Variants in MS4A3 observed in about 807,000 individuals in gnomAD.
MS4A3 encodes the protein membrane spanning 4-domains A3, also known as membrane-spanning 4-domains subfamily A member 3.
MS4A3 carries 18 observed loss-of-function variants against 24.7 expected under a neutral mutation model. The observed-to-expected ratio is 0.73, with a 90% CI of 0.50 to 1.08. The LOEUF is 1.08. Among genes scored for constraint, MS4A3 ranks in the 50% least tolerant of loss-of-function variants. The pLI, the probability that MS4A3 is intolerant of heterozygous loss-of-function variation, is 0.00. For missense variants in MS4A3, 282 were observed against 251.7 expected, an observed-to-expected ratio of 1.12 and a Z score of -0.82; for synonymous variants, 84 against 95.3, an observed-to-expected ratio of 0.88 and a Z score of 0.69.
At chr11:60,063,355 G>T (rs111425647) in intron 3 of MS4A3, among the ~76,000 whole-genome samples, 1 of 152,182 alleles carries the variant, frequency 6.6e-6, no homozygotes, top group Non-Finnish European at 1.5e-5. Flanking sequence ...AGAAATAGGG[G>T]TGATTTTAAA....
At chr11:60,063,973 A>G (rs941914746) in intron 3 of MS4A3, among the ~76,000 whole-genome samples, 5 of 152,152 alleles carry the variant, frequency 3.3e-5, no homozygotes, top group African/African-American at 1.2e-4. Flanking sequence ...TAAAGAACTT[A>G]TCCATGTAAC....
chr11:60,064,018 TA>T (rs796788550), intron 3 of MS4A3, among the ~76,000 whole-genome samples: 12 of 150,768 alleles, frequency 8.0e-5, no homozygotes, highest in South Asian at 4.2e-4. Flanking sequence ...CGTATGGAAA[TA>T]AAAAAAATTT....
In MS4A3 at chr11:60,061,229, GGC is replaced by G. The variant is rs1421155978; in HGVS notation, c.71_72del (p.Ala24GlyfsTer77). ...CTGCCCATGGTACCCCAGGCAGTGA[GGC>G]GGGACCAGAAGAGCTGAATACTTCT... ...ASAHGTPGSE[A>X]GPEELNTSVY... On this transcript the variant is annotated frameshift_variant, in exon 2 of 7. Coordinates refer to ENST00000278865, the MANE Select transcript of MS4A3 (RefSeq NM_006138.5). LOFTEE classifies it high-confidence loss of function. 1 of 1,613,730 alleles carries G rather than the reference GGC, an allele frequency of 6.2e-7. No homozygotes were observed. The highest frequency in any genetic ancestry group is 2.2e-5 in the East Asian group (1 of 44,814).
chr11:60,068,103 TA>T (rs1855401979), intron 5 of MS4A3, among the ~76,000 whole-genome samples: 2 of 151,984 alleles, frequency 1.3e-5, no homozygotes. Context: ...CCTTGCTTAA[TA>T]AAACAAACTT....
chr11:60,064,385 C>A (rs1382518302), intron 4 of MS4A3, 67 bp downstream of exon 4: 2 of 1,201,080 alleles, frequency 1.7e-6, no homozygotes, highest in Non-Finnish European at 1.2e-6. Flanking sequence ...AACAGTAGGA[C>A]AGTAAGTGTC....
Position 60,069,564 on chromosome 11 carries a change from T to C in MS4A3, c.514-10T>C, listed in dbSNP as rs1163466663. Reference sequence around the variant, plus strand: ...CCACTGGGTTTGATATAAGGCATCATATCCCCTAGGGCATGGTGTCTCTAC... The same window carrying C: ...CCACTGGGTTTGATATAAGGCATCACATCCCCTAGGGCATGGTGTCTCTAC... On this transcript the variant is annotated splice_polypyrimidine_tract_variant and intron_variant, in intron 5 of 6. Transcript: ENST00000278865. 2.5e-6 allele frequency: 4 copies of C among 1,595,350 alleles called. No individual in the cohort carries two copies. In the African/African-American group the frequency reaches 5.4e-5, roughly 21 times the overall value.
intron 1 of MS4A3, among the ~76,000 whole-genome samples, chr11:60,060,228 C>T (rs912524616): frequency 2.6e-5 from 4 of 152,010 alleles, no homozygotes; most frequent in Non-Finnish European, 4.4e-5. Flanking sequence ...TTGAGAATTC[C>T]GTACATTATC....
chr11:60,064,334 T>G lies in MS4A3; in HGVS notation c.351+16T>G. On this transcript the variant is annotated intron_variant, in intron 4 of 6. Transcript: ENST00000278865. ...AAGAACATGGGTAAGTAGCACTTCC[T>G]CTTTTTCTATGATCAGAGGAGTAGA... 1.9e-6 allele frequency: 3 copies of G among 1,578,126 alleles called. No individual in the cohort carries two copies. The highest frequency in any genetic ancestry group is 2.6e-6 in the Non-Finnish European group (3 of 1,153,796).
intron 1 of MS4A3, among the ~76,000 whole-genome samples, chr11:60,058,931 T>C (rs1185686107): frequency 1.3e-5 from 2 of 152,198 alleles, no homozygotes; most frequent in Non-Finnish European, 2.9e-5. Context: ...TTAAGCTTTA[T>C]TGATCTTCCC....
intron 1 of MS4A3, among the ~76,000 whole-genome samples, chr11:60,060,066 T>C (rs1034658572): frequency 6.6e-6 from 1 of 152,316 alleles, no homozygotes; most frequent in South Asian, 2.1e-4. Context: ...AGAAGTCCAA[T>C]GTAAGCATTC....
Position 60,070,491 on chromosome 11 carries a change from A to T in MS4A3, c.*258A>T. ...GCATTCTTGGATATCTGTAACTTCT[A>T]TGATCATTACTCCAAAGTTGTTTCC... On this transcript the variant is annotated 3_prime_UTR_variant, in exon 7 of 7. Coordinates refer to ENST00000278865, the MANE Select transcript of MS4A3 (RefSeq NM_006138.5). The T allele has an allele frequency of 2.5e-6, 1 of 405,604 alleles. No homozygotes were observed. Among genetic ancestry groups the T allele is most frequent in the South Asian group, 4.1e-5 (1 of 24,190 alleles). The allele number at this position is 405,604 out of a possible 1,614,324, so 25.1% of individuals were successfully genotyped here. A position where few individuals can be genotyped will look rare whatever the true frequency, so the allele number is the denominator to read the frequency against.
At chr11:60,069,532 G>T (rs903762913) in intron 5 of MS4A3, 42 bp from the exon 6 acceptor site, 1 of 1,376,404 alleles carries the variant, frequency 7.3e-7, no homozygotes, top group Admixed American at 1.8e-5. Flanking sequence ...TTTACCTCTG[G>T]ATGTTGCCAC....
rs1257513829 is a variant in MS4A3, at chr11:60,070,582, C to T, written c.*349C>T. The T allele has an allele frequency of 3.0e-5, 6 of 200,026 alleles. No homozygotes were observed. The highest frequency in any genetic ancestry group is 1.8e-4 in the Admixed American group (3 of 16,446). The allele number at this position is 200,026 out of a possible 1,614,324, so 12.4% of individuals were successfully genotyped here. ...CTTTATGAGGTTTAAGGAAGGAAGG[C>T]GGTATAATCCCTATTCAATATATTT... On this transcript the variant is annotated 3_prime_UTR_variant, in exon 7 of 7. Transcript: ENST00000278865.
chr11:60,056,993 G>A (rs1024008536), intron 1 of MS4A3, among the ~76,000 whole-genome samples: 2 of 152,062 alleles, frequency 1.3e-5, no homozygotes, highest in Non-Finnish European at 2.9e-5. Flanking sequence ...ACATGCACAC[G>A]CACCTCTTAG....
intron 3 of MS4A3, among the ~76,000 whole-genome samples, chr11:60,063,017 C>T (rs57170676): frequency 0.27 from 40,573 of 151,878 alleles, 6,602 homozygotes; most frequent in East Asian, 0.56. Context: ...AGGATGGTCT[C>T]GAACTCCTGA....
chr11:60,064,949 T>G (rs1034391042), intron 4 of MS4A3, among the ~76,000 whole-genome samples: 1 of 152,156 alleles, frequency 6.6e-6, no homozygotes. Context: ...ATAGGAAAAT[T>G]TTGTGATTTT....
At chr11:60,058,791 C>T (rs1281294691) in intron 1 of MS4A3, among the ~76,000 whole-genome samples, 1 of 152,102 alleles carries the variant, frequency 6.6e-6, no homozygotes, top group Non-Finnish European at 1.5e-5. Context: ...CATCTTAGTT[C>T]ATTAGATATT....
intron 5 of MS4A3, among the ~76,000 whole-genome samples, chr11:60,068,919 GTTCAGT>G: frequency 6.6e-6 from 1 of 151,084 alleles, no homozygotes; most frequent in East Asian, 1.9e-4. Flanking sequence ...TGTTCTCATT[GTTCAGT>G]TCCCACCTAT....
intron 4 of MS4A3, 47 bp from the exon 5 acceptor site, chr11:60,066,904 G>A: frequency 7.2e-7 from 1 of 1,393,400 alleles, no homozygotes; most frequent in Non-Finnish European, 9.6e-7. Context: ...CCAAAGGAAT[G>A]AAGTACGTGC....
Sources: allele counts gnomAD v4.1 joint callset (sites outside exome capture counted in the v4.1 genomes callset), GRCh38; gene constraint gnomAD v4.1.1; transcripts MANE v1.5; gene names NCBI Gene and HGNC (gene_info 2026-07-23, HGNC 2026-07-21).